Variants in CYP27C1 observed in about 807,000 individuals in gnomAD.
CYP27C1 encodes cytochrome P450 27C1.
CYP27C1 carries 29 observed loss-of-function variants against 40.6 expected under a neutral mutation model. The ratio of observed to expected loss-of-function variants is 0.71; its 90% confidence interval spans 0.53 to 0.97. CYP27C1 has a LOEUF of 0.97. Among genes scored for constraint, CYP27C1 ranks in the 50% least tolerant of loss-of-function variants. The probability of loss-of-function intolerance (pLI) is 0.00; values close to 1 mark genes in which losing one functional copy is unlikely to be tolerated. For synonymous variants in CYP27C1, 198 were observed against 186.8 expected, an observed-to-expected ratio of 1.06 and a Z score of -0.49; for missense variants, 390 against 485.8, an observed-to-expected ratio of 0.80 and a Z score of 1.85.
intron 6 of CYP27C1, among the ~76,000 whole-genome samples, chr2:127,194,835 C>CTTTTTTCTT (rs1682865283): frequency 7.2e-6 from 1 of 139,332 alleles, no homozygotes; most frequent in Admixed American, 7.0e-5. Context: ...CTCCAAAGAT[C>CTTTTTTCTT]TTTTTTCTTT....
rs1683064697 is a variant in CYP27C1 at position 127,202,650 on chromosome 2, A to G, written c.673+722T>C. On this transcript the variant is annotated intron_variant, in intron 3 of 8. Transcript: ENST00000664447. Reference sequence around the variant, plus strand: ...GGTATTGCTATTTGAACAGGAATGTACCACTCATTCAATATGACTAAAAGC... The same window carrying G: ...GGTATTGCTATTTGAACAGGAATGTGCCACTCATTCAATATGACTAAAAGC... Among the ~76,000 whole-genome samples, 4 of 152,312 alleles carry G rather than the reference A, an allele frequency of 2.6e-5. No individual in the cohort carries two copies. The South Asian group carries it at 8.3e-4, about 32-fold the overall frequency.
intron 1 of CYP27C1, among the ~76,000 whole-genome samples, chr2:127,207,587 G>A (rs535084701): frequency 2.4e-4 from 36 of 152,084 alleles, no homozygotes; most frequent in African/African-American, 6.0e-4. Flanking sequence ...GGAGGATCAC[G>A]TGAGCTCAGG....
At chr2:127,216,916 C>T (rs1005941978) in intron 1 of CYP27C1, among the ~76,000 whole-genome samples, 2 of 152,156 alleles carry the variant, frequency 1.3e-5, no homozygotes, top group Non-Finnish European at 2.9e-5. Flanking sequence ...TACTCTTATA[C>T]TCACTCCTTC....
rs1010665587 is a variant in CYP27C1 at position 127,186,339 on chromosome 2, G to A, written c.*932C>T. On this transcript the variant is annotated 3_prime_UTR_variant, in exon 9 of 9. Transcript: ENST00000664447. The surrounding 1 kb of genome is among the most constrained non-coding windows in gnomAD (Gnocchi z 4.5). ...ATTATGACTAGAAAATTAAGCACTC[G>A]TTGTGGAGAGAAAAGTATTCTTATA... The A allele has an allele frequency of 6.6e-5, 10 of 151,068 alleles. No homozygotes were observed. In the South Asian group the frequency reaches 8.4e-4, roughly 13 times the overall value. The allele number at this position is 151,068 out of a possible 1,614,324, so 9.4% of individuals were successfully genotyped here.
At chr2:127,194,310 C>A (rs1682853867) in intron 6 of CYP27C1, among the ~76,000 whole-genome samples, 1 of 152,160 alleles carries the variant, frequency 6.6e-6, no homozygotes, top group Non-Finnish European at 1.5e-5. Context: ...TACCAATAAA[C>A]CCCACAGCCA....
chr2:127,195,881 T>C lies in CYP27C1; in HGVS notation c.1048-380A>G, dbSNP rs1682892763. Among the ~76,000 whole-genome samples the C allele has an allele frequency of 6.6e-6, 1 of 152,064 alleles. No individual in the cohort carries two copies. The stretch of plus-strand genomic sequence containing the variant: ...GACCTTCTTTGCAGGGCTTGCTCGG[T>C]GTGTGCCAGAAAGGGCCTCAGGCTG... On this transcript the variant is annotated intron_variant, in intron 5 of 8. Transcript: ENST00000664447. The surrounding 1 kb of genome is among the most constrained non-coding windows in gnomAD (Gnocchi z 6.2).
chr2:127,213,962 C>T (rs190832476), intron 1 of CYP27C1, among the ~76,000 whole-genome samples: 1 of 151,876 alleles, frequency 6.6e-6, no homozygotes, highest in East Asian at 1.9e-4. Flanking sequence ...AACAAATTTA[C>T]AAGAAAAAAA....
chr2:127,187,874 G>A (rs1438054084), intron 8 of CYP27C1, among the ~76,000 whole-genome samples: 1 of 152,154 alleles, frequency 6.6e-6, no homozygotes, highest in Non-Finnish European at 1.5e-5. Flanking sequence ...CTACTATCCT[G>A]AATTTAAATA....
chr2:127,214,782 G>GTTTTTTT (rs57262340), intron 1 of CYP27C1, among the ~76,000 whole-genome samples: 8 of 92,204 alleles, frequency 8.7e-5, no homozygotes, highest in South Asian at 3.3e-4. Flanking sequence ...TCCGTTTTTT[G>GTTTTTTT]TTTTTTTTTT....
intron 7 of CYP27C1, 99 bp from the exon 8 acceptor site, chr2:127,193,396 C>A: frequency 6.8e-7 from 1 of 1,473,120 alleles, no homozygotes; most frequent in South Asian, 1.2e-5. Context: ...CCGGGGTGCT[C>A]CCGCCTGGGG....
Position 127,195,981 on chromosome 2 carries a change from A to G in CYP27C1, c.1048-480T>C, listed in dbSNP as rs1288041870. Among the ~76,000 whole-genome samples the G allele has an allele frequency of 2.0e-5, 3 of 152,068 alleles. No homozygotes were observed. Among genetic ancestry groups the G allele is most frequent in the African/African-American group, 7.2e-5 (3 of 41,386 alleles). ...ATCTAGAGATTGGAGTGCACAGGAG[A>G]TCACTAGTTAGCCATCGTGTCCTGC... On this transcript the variant is annotated intron_variant, in intron 5 of 8. Coordinates refer to ENST00000664447, the MANE Select transcript of CYP27C1 (RefSeq NM_001367502.1). This position sits in a 1 kb window ranked among gnomAD's most constrained non-coding sequence, Gnocchi z 6.2.
chr2:127,199,408 C>T lies in CYP27C1; in HGVS notation c.1015G>A (p.Val339Met), dbSNP rs1193457558. The change falls in exon 5 of 9, where the codon GTG becomes ATG. Residue 339 changes from valine (V) to methionine (M), a missense_variant. By Grantham distance (21) the Val-to-Met change is conservative. Transcript: ENST00000664447. ...ACGCCGGCCAGCAGCATCTCAGTCA[C>T]GTTGGCGTAGATCTCCTGCAGCGTC... ...ALTLQEIYANVTEMLLAGVDT... is the reference protein window; with the variant it reads ...ALTLQEIYANMTEMLLAGVDT... The T allele has an allele frequency of 6.8e-6, 11 of 1,614,062 alleles. No individual in the cohort carries two copies. Among genetic ancestry groups the T allele is most frequent in the African/African-American group, 4.0e-5 (3 of 74,938 alleles).
rs10196532 is a variant in CYP27C1 at position 127,191,475 on chromosome 2, C to T, written c.1497+1619G>A. Among the ~76,000 whole-genome samples, 717 of 152,244 alleles carry T rather than the reference C, an allele frequency of 4.7e-3. 5 individuals carry two copies. The highest frequency in any genetic ancestry group is 9.2e-3 in the African/African-American group (384 of 41,534). On this transcript the variant is annotated intron_variant, in intron 8 of 8. Transcript: ENST00000664447. ...GCAACAAGCATCCCTCCCAACTCAC[C>T]GATGCCCTTCGGGAGGGTGCAGTGG...
At chr2:127,192,116 A>AG (rs1334342549) in intron 8 of CYP27C1, among the ~76,000 whole-genome samples, 1 of 152,122 alleles carries the variant, frequency 6.6e-6, no homozygotes, top group Non-Finnish European at 1.5e-5. Context: ...GTGAGCCTGG[A>AG]GGGGGCACCT....
rs746789945 is a variant in CYP27C1, at chr2:127,186,879, C to T, written c.*392G>A. 2.5e-5 allele frequency: 4 copies of T among 157,396 alleles called. No homozygotes were observed. The highest frequency in any genetic ancestry group is 2.0e-4 in the South Asian group (1 of 5,008). 9.7% of individuals were successfully genotyped at this position (157,396 alleles called of 1,614,324 possible). A position where few individuals can be genotyped will look rare whatever the true frequency, so the allele number is the denominator to read the frequency against. ...AACTTACTGTTGATGGCAATTTGAG[C>T]CCAGATGCCAGTATTAGAGAACATA... On this transcript the variant is annotated 3_prime_UTR_variant, in exon 9 of 9. Transcript: ENST00000664447. This position sits in a 1 kb window ranked among gnomAD's most constrained non-coding sequence, Gnocchi z 4.5.
intron 1 of CYP27C1, among the ~76,000 whole-genome samples, chr2:127,215,592 G>T (rs1231602888): frequency 6.6e-6 from 1 of 152,014 alleles, no homozygotes; most frequent in Non-Finnish European, 1.5e-5. Flanking sequence ...AAACAAGGCC[G>T]GCCATAATGG....
At chr2:127,216,133 G>T (rs1683425640) in intron 1 of CYP27C1, among the ~76,000 whole-genome samples, 1 of 152,202 alleles carries the variant, frequency 6.6e-6, no homozygotes, top group African/African-American at 2.4e-5. Context: ...CAGTCTGGCA[G>T]TTCTTCAAAA....
In CYP27C1 at chr2:127,193,133, C is replaced by T. The variant is rs763151403; in HGVS notation, c.1458G>A (p.Arg486=). ...GGTGAATCTCCAGTTCTGCAATTCT[C>T]CGCCCTATGCAGCTGCGAACCCCAT... The part of the protein sequence containing the change: ...FGHGVRSCIG[R]RIAELEIHLV... The change falls in exon 8 of 9, where the codon CGG becomes CGA. Residue 486 remains arginine (R), a synonymous_variant. Coordinates refer to ENST00000664447, the MANE Select transcript of CYP27C1 (RefSeq NM_001367502.1). 6 of 1,614,220 alleles carry T rather than the reference C, an allele frequency of 3.7e-6. No individual in the cohort carries two copies. The highest frequency in any genetic ancestry group is 4.2e-6 in the Non-Finnish European group (5 of 1,180,038).
At chr2:127,204,265 C>CA (rs1170846484) in intron 2 of CYP27C1, among the ~76,000 whole-genome samples, 12 of 101,888 alleles carry the variant, frequency 1.2e-4, no homozygotes, top group Middle Eastern at 7.0e-3. Context: ...AACTCCATCT[C>CA]AAAAAAAAAA....
Sources: gnomAD v4.1 joint callset for allele counts (sites outside exome capture counted in the v4.1 genomes callset) on GRCh38, gnomAD v4.1.1 for gene constraint, Gnocchi (gnomAD v3.1) non-coding constraint, MANE v1.5 for transcripts, NCBI Gene and HGNC (gene_info 2026-07-23, HGNC 2026-07-21) for gene names.